Variants in SMG7 observed in about 807,000 individuals in gnomAD.
SMG7 encodes the protein nonsense-mediated mRNA decay factor SMG7.
Under a neutral mutation model 148.2 loss-of-function variants are expected in SMG7, and 34 were observed. That is an observed-to-expected ratio of 0.23 (90% CI 0.17 to 0.31). SMG7 has a LOEUF of 0.31. Ranked by LOEUF, SMG7 falls within the 10% of genes least tolerant of loss-of-function variation. The pLI, the probability that SMG7 is intolerant of heterozygous loss-of-function variation, is 1.00. For missense variants in SMG7, 1,114 were observed against 1,408.4 expected, an observed-to-expected ratio of 0.79 and a Z score of 3.35; for synonymous variants, 492 against 515.1, an observed-to-expected ratio of 0.96 and a Z score of 0.61.
intron 8 of SMG7, 81 bp from the exon 9 acceptor site, chr1:183,533,083 C>T (rs1411094607): frequency 1.2e-5 from 14 of 1,186,678 alleles, no homozygotes; most frequent in Non-Finnish European, 1.7e-5. Context: ...GTTCTAAATG[C>T]AGACTACCAG....
At chr1:183,499,297 A>G (rs777498076) in intron 1 of SMG7, among the ~76,000 whole-genome samples, 5 of 152,210 alleles carry the variant, frequency 3.3e-5, no homozygotes, top group Non-Finnish European at 5.9e-5. Context: ...ATATGGTAAG[A>G]TTATGTTTAG....
At chr1:183,537,096 G>C in intron 10 of SMG7, 49 bp from the exon 11 acceptor site, 1 of 1,318,436 alleles carries the variant, frequency 7.6e-7, no homozygotes. Context: ...TTAGTGTTCT[G>C]GTTTCTCTTA....
rs769301460 is a variant in SMG7, at chr1:183,551,187, A to G, written c.3447A>G (p.Leu1149=). 1 of 1,565,746 alleles carries G rather than the reference A, an allele frequency of 6.4e-7. No individual in the cohort carries two copies. The highest frequency in any genetic ancestry group is 1.2e-5 in the South Asian group (1 of 82,718). The part of the protein sequence containing the change: ...EDSSAVLMES[L]KSIWSSSMMH... Reference sequence around the variant, plus strand: ...CCTCTGCTGTCCTCATGGAAAGCCTAAAGGTGAGTAGATTTCAGGAACAAG... The same window carrying G: ...CCTCTGCTGTCCTCATGGAAAGCCTGAAGGTGAGTAGATTTCAGGAACAAG... The change falls in exon 22 of 23, where the codon CTA becomes CTG. Residue 1149 remains leucine, a synonymous_variant. Transcript: ENST00000688051.
At chr1:183,508,724 C>T (rs1233463528) in intron 1 of SMG7, among the ~76,000 whole-genome samples, 1 of 151,750 alleles carries the variant, frequency 6.6e-6, no homozygotes, top group Non-Finnish European at 1.5e-5. Flanking sequence ...TTTGGGGATA[C>T]AGAAAAAAAA....
chr1:183,551,942 GC>G lies in SMG7; in HGVS notation c.*12del. 6.2e-7 allele frequency: 1 copy of G among 1,612,590 alleles called. No individual in the cohort carries two copies. Among genetic ancestry groups the G allele is most frequent in the South Asian group, 1.1e-5 (1 of 90,904 alleles). On this transcript the variant is annotated 3_prime_UTR_variant, in exon 23 of 23. Transcript: ENST00000688051. ...AACCCTCCACACTGAGGCCAAAGTG[GC>G]AACCTGGGAATGAAGGCTCCATAAA... is the stretch of plus-strand genomic sequence containing the variant.
At chr1:183,545,814 A>G (rs1005356510) in intron 16 of SMG7, 152 bp from the exon 17 acceptor site, 2 of 794,482 alleles carry the variant, frequency 2.5e-6, no homozygotes, top group Admixed American at 6.3e-5. Context: ...AGCTCTGAGT[A>G]TTGAATAGCC....
chr1:183,502,507 G>A, intron 1 of SMG7: 1 of 835,668 alleles, frequency 1.2e-6, no homozygotes, highest in Non-Finnish European at 1.7e-6. Flanking sequence ...TTTGATTTTG[G>A]CCAAGATCGG....
rs1041132368 is a variant in SMG7 at position 183,472,635 on chromosome 1, C to T, written c.15C>T (p.Ser5=). 4.8e-6 allele frequency: 7 copies of T among 1,463,814 alleles called. No individual in the cohort carries two copies. Among genetic ancestry groups the T allele is most frequent in the East Asian group, 2.8e-5 (1 of 36,200 alleles). 90.7% of individuals were successfully genotyped at this position (1,463,814 alleles called of 1,614,324 possible). The change falls in exon 1 of 23, where the codon AGC becomes AGT. Residue 5 remains serine (S), a synonymous_variant. Coordinates refer to ENST00000688051, the MANE Select transcript of SMG7 (RefSeq NM_001375584.1). MSLQ[S]AQYLRQAEVL... ...GGCGGCGGAGGATGAGCCTGCAGAG[C>T]GCGCAGTACCTCCGGTGAGTGCCGA...
chr1:183,546,674 T>C (rs576763111), intron 17 of SMG7, among the ~76,000 whole-genome samples: 7 of 152,354 alleles, frequency 4.6e-5, no homozygotes, highest in Non-Finnish European at 8.8e-5. Context: ...TTTACTGATA[T>C]TTAAATAAAT....
intron 1 of SMG7, among the ~76,000 whole-genome samples, chr1:183,475,820 C>G (rs575585888): frequency 6.6e-6 from 1 of 152,156 alleles, no homozygotes; most frequent in East Asian, 1.9e-4. Flanking sequence ...GTAGGGAAGA[C>G]TTCCTTAGAT....
At chr1:183,525,855 A>G (rs1665728175) in intron 4 of SMG7, among the ~76,000 whole-genome samples, 1 of 152,224 alleles carries the variant, frequency 6.6e-6, no homozygotes, top group Admixed American at 6.5e-5. Flanking sequence ...ATACAGCTTA[A>G]GAAAATAAAT....
At chr1:183,490,614 A>T (rs898529220) in intron 1 of SMG7, among the ~76,000 whole-genome samples, 17 of 152,232 alleles carry the variant, frequency 1.1e-4, no homozygotes, top group African/African-American at 3.9e-4. Flanking sequence ...AATATAGAAT[A>T]TGCATTTTAT....
At position 183,527,188 on chromosome 1, in the gene SMG7, C is replaced by T. The variant is rs755637768; in HGVS notation, c.484+421C>T. Reference sequence around the variant, plus strand: ...TAAAAGTTGATTTTTAATTTTGCTTCCTTTTTAAAGTTTAATTTGTATTTC... The same window carrying T: ...TAAAAGTTGATTTTTAATTTTGCTTTCTTTTTAAAGTTTAATTTGTATTTC... On this transcript the variant is annotated intron_variant, in intron 5 of 22. Coordinates refer to ENST00000688051, the MANE Select transcript of SMG7 (RefSeq NM_001375584.1). The surrounding 1 kb of genome is among the most constrained non-coding windows in gnomAD (Gnocchi z 4.0). 2.0e-5 allele frequency among the ~76,000 whole-genome samples: 3 copies of T among 152,180 alleles called. No homozygotes were observed. In the South Asian group the frequency reaches 6.2e-4, roughly 32 times the overall value.
chr1:183,533,798 G>A lies in SMG7; in HGVS notation c.1129G>A (p.Val377Ile), dbSNP rs374173680. ...SMDWLRLRPR[V>I]FQEAVVDERQ... ...GGACTGGCTAAGACTCAGACCCAGG[G>A]TCTTTCAGGAGGCAGTGGTGGATGA... is the stretch of plus-strand genomic sequence containing the variant. The change falls in exon 10 of 23, where the codon GTC becomes ATC. Residue 377 changes from valine to isoleucine, a missense_variant. Val to Ile is a conservative substitution (Grantham distance 29). This residue lies in a region of SMG7 where 102 missense variants were observed against 147.2 expected (regional missense o/e 0.69). Transcript: ENST00000688051. The A allele has an allele frequency of 3.1e-6, 5 of 1,613,188 alleles. No individual in the cohort carries two copies. Among genetic ancestry groups the A allele is most frequent in the Non-Finnish European group, 4.2e-6 (5 of 1,179,356 alleles).
chr1:183,545,123 G>T lies in SMG7; in HGVS notation c.2181G>T (p.Gly727=). The part of the protein sequence containing the change: ...PYSQQRPSGP[G]PMNQGPQQSQ... ...GCCAGCAACGGCCCTCTGGACCAGG[G>T]CCAATGAACCAGGGACCTCAACAAT... Residue 727 remains glycine, a synonymous_variant, in exon 16 of 23, where the codon GGG becomes GGT. Transcript: ENST00000688051. The T allele has an allele frequency of 2.5e-6, 4 of 1,614,046 alleles. No homozygotes were observed. The South Asian group carries it at 3.3e-5, about 13-fold the overall frequency.
At chr1:183,504,496 A>G (rs1660459998) in intron 1 of SMG7, among the ~76,000 whole-genome samples, 1 of 151,918 alleles carries the variant, frequency 6.6e-6, no homozygotes, top group Admixed American at 6.6e-5. Context: ...ACCCGTCACC[A>G]TGCCCGGCTA....
Position 183,551,129 on chromosome 1 carries a change from C to T in SMG7, c.3389C>T (p.Thr1130Ile). 1 of 1,605,776 alleles carries T rather than the reference C, an allele frequency of 6.2e-7. No homozygotes were observed. The highest frequency in any genetic ancestry group is 8.5e-7 in the Non-Finnish European group (1 of 1,177,992). The change falls in exon 22 of 23, where the codon ACC becomes ATC. Residue 1130 changes from threonine to isoleucine, a missense_variant. Physicochemically the swap from Thr to Ile is moderately conservative, Grantham distance 89. Coordinates refer to ENST00000688051, the MANE Select transcript of SMG7 (RefSeq NM_001375584.1). The part of the protein sequence containing the change: ...SWHQASTPSG[T>I]WTGHGPSMED... ...CATCAGGCCAGCACTCCGAGTGGCA[C>T]CTGGACAGGCCATGGCCCTTCCATG...
At chr1:183,518,769 A>G (rs1664127590) in intron 4 of SMG7, 1 of 152,184 alleles carries the variant, frequency 6.6e-6, no homozygotes, top group Non-Finnish European at 1.5e-5. Flanking sequence ...TCCATTTGTA[A>G]TAGCATTTGT....
rs761853737 is a variant in SMG7, at chr1:183,527,602, ATTTTG to A, written c.485-339_485-335del. 3 of 474,646 alleles carry A rather than the reference ATTTTG, an allele frequency of 6.3e-6. No individual in the cohort carries two copies. The highest frequency in any genetic ancestry group is 4.6e-5 in the South Asian group (3 of 64,558). 29.4% of individuals were successfully genotyped at this position (474,646 alleles called of 1,614,324 possible). On this transcript the variant is annotated intron_variant, in intron 5 of 22. Transcript: ENST00000688051. The surrounding 1 kb of genome is among the most constrained non-coding windows in gnomAD (Gnocchi z 4.0). ...ATTTTCAGATCATATTGTATAGTGTATTTTGTTTTGTTTTGTTTTTAAGTGCCATA... is the reference window on the plus strand; with the variant it reads ...ATTTTCAGATCATATTGTATAGTGTATTTTGTTTTGTTTTTAAGTGCCATA...
Sources: allele counts gnomAD v4.1 joint callset (sites outside exome capture counted in the v4.1 genomes callset), GRCh38; gene constraint gnomAD v4.1.1; regional missense constraint gnomAD v4.1.1; non-coding constraint Gnocchi (gnomAD v3.1); transcripts MANE v1.5; gene names NCBI Gene and HGNC (gene_info 2026-07-23, HGNC 2026-07-21).